CNTNAP2: variants seen among roughly 807,000 people sequenced by gnomAD.
The protein encoded by CNTNAP2 is contactin associated protein 2.
Under a neutral mutation model 155.2 loss-of-function variants are expected in CNTNAP2, and 98 were observed. The ratio of observed to expected loss-of-function variants is 0.63; its 90% CI spans 0.54 to 0.75. The LOEUF (loss-of-function observed/expected upper bound fraction) is 0.75, where lower values mean the gene tolerates loss of function less well. Among genes scored for constraint, CNTNAP2 ranks in the 30% least tolerant of loss-of-function variants. The pLI is 0.00. For synonymous variants in CNTNAP2, 651 were observed against 631.2 expected (o/e 1.03, Z -0.47); for missense variants, 1,727 against 1,688.1 (o/e 1.02, Z -0.40).
intron 21 of CNTNAP2, among the ~76,000 whole-genome samples, chr7:148,365,390 C>T (rs555066167): frequency 9.5e-4 from 145 of 152,242 alleles, no homozygotes; most frequent in Non-Finnish European, 1.7e-3. Flanking sequence ...GCAGGCTGGG[C>T]GTGGTGGCTC....
chr7:146,984,007 G>C (rs1486400084), intron 3 of CNTNAP2, among the ~76,000 whole-genome samples: 1 of 152,100 alleles, frequency 6.6e-6, no homozygotes, highest in East Asian at 1.9e-4. Flanking sequence ...CTGCAGGTTG[G>C]CTCTTGCTTT....
chr7:146,691,255 G>A (rs531077345), intron 1 of CNTNAP2, among the ~76,000 whole-genome samples: 2 of 151,650 alleles, frequency 1.3e-5, no homozygotes, highest in East Asian at 3.9e-4. Flanking sequence ...TAAGCAATAT[G>A]TTCAATGAGA....
At chr7:146,851,338 C>A (rs527688750) in intron 3 of CNTNAP2, among the ~76,000 whole-genome samples, 1 of 152,286 alleles carries the variant, frequency 6.6e-6, no homozygotes, top group South Asian at 2.1e-4. Flanking sequence ...CCTAAGGTCA[C>A]AGAGCTTAAA....
At chr7:147,764,943 G>C (rs1797361090) in intron 13 of CNTNAP2, among the ~76,000 whole-genome samples, 1 of 152,108 alleles carries the variant, frequency 6.6e-6, no homozygotes, top group African/African-American at 2.4e-5. Context: ...TATAAACATA[G>C]AGCCCTCTTT....
chr7:147,141,444 T>G (rs765972581), intron 8 of CNTNAP2, among the ~76,000 whole-genome samples: 7 of 152,244 alleles, frequency 4.6e-5, no homozygotes, highest in Non-Finnish European at 1.0e-4. Flanking sequence ...TCTTTCTCTG[T>G]TTCAGTCACT....
chr7:146,929,631 A>C (rs1796699820), intron 3 of CNTNAP2, among the ~76,000 whole-genome samples: 2 of 152,202 alleles, frequency 1.3e-5, no homozygotes, highest in Admixed American at 1.3e-4. Context: ...TCAGATGATC[A>C]AACTACTCCG....
intron 1 of CNTNAP2, among the ~76,000 whole-genome samples, chr7:146,396,817 G>A (rs536899754): frequency 6.6e-6 from 1 of 151,518 alleles, no homozygotes; most frequent in Admixed American, 6.6e-5. Context: ...TATATATTAG[G>A]TAACTGAAAC....
intron 4 of CNTNAP2, among the ~76,000 whole-genome samples, chr7:147,060,829 A>G (rs1006358594): frequency 2.3e-4 from 35 of 151,198 alleles, no homozygotes; most frequent in African/African-American, 8.6e-4. Context: ...GCGCCACTGC[A>G]CTCCAGCCTG....
intron 19 of CNTNAP2, among the ~76,000 whole-genome samples, chr7:148,225,100 T>C (rs1795822469): frequency 6.6e-6 from 1 of 152,242 alleles, no homozygotes; most frequent in Non-Finnish European, 1.5e-5. Flanking sequence ...TCAGGCACTA[T>C]TCTAGACATT....
At chr7:146,427,389 A>G (rs528985569) in intron 1 of CNTNAP2, among the ~76,000 whole-genome samples, 12 of 152,340 alleles carry the variant, frequency 7.9e-5, no homozygotes, top group African/African-American at 2.9e-4. Context: ...TATGTAAATG[A>G]ATAACTGTGG....
At chr7:147,141,318 G>T (rs1455168885) in intron 8 of CNTNAP2, among the ~76,000 whole-genome samples, 2 of 151,946 alleles carry the variant, frequency 1.3e-5, no homozygotes, top group South Asian at 2.1e-4. Flanking sequence ...CTAATCAAGG[G>T]CATCTTATTG....
intron 10 of CNTNAP2, among the ~76,000 whole-genome samples, chr7:147,467,986 A>G (rs1211262694): frequency 6.6e-6 from 1 of 152,056 alleles, no homozygotes; most frequent in Non-Finnish European, 1.5e-5. Flanking sequence ...TGCTATGATC[A>G]CAGCACTGCA....
At chr7:148,057,184 G>A (rs982980001) in intron 15 of CNTNAP2, among the ~76,000 whole-genome samples, 4 of 152,084 alleles carry the variant, frequency 2.6e-5, no homozygotes, top group East Asian at 1.9e-4. Context: ...CACAGGCGTC[G>A]TAAACCCTCA....
At chr7:147,173,542 AC>A (rs1802273993) in intron 8 of CNTNAP2, among the ~76,000 whole-genome samples, 1 of 152,138 alleles carries the variant, frequency 6.6e-6, no homozygotes, top group Non-Finnish European at 1.5e-5. Context: ...CCAGAAAGAG[AC>A]CCAGCTGGCA....
At chr7:147,722,623 C>G (rs1057308734) in intron 13 of CNTNAP2, among the ~76,000 whole-genome samples, 1 of 152,076 alleles carries the variant, frequency 6.6e-6, no homozygotes, top group Non-Finnish European at 1.5e-5. Context: ...TTATATGGCA[C>G]TGTTATGAGA....
intron 21 of CNTNAP2, among the ~76,000 whole-genome samples, chr7:148,379,473 G>T (rs1174638586): frequency 6.6e-6 from 1 of 152,144 alleles, no homozygotes; most frequent in East Asian, 1.9e-4. Context: ...GGAGGCCGAG[G>T]TGGGTGGATC....
At chr7:147,446,903 GA>G (rs1459483376) in intron 10 of CNTNAP2, among the ~76,000 whole-genome samples, 1 of 152,176 alleles carries the variant, frequency 6.6e-6, no homozygotes, top group African/African-American at 2.4e-5. Flanking sequence ...TGTGACTAAA[GA>G]AGAGTTAAAG....
chr7:146,503,152 TATTG>T (rs1156849527), intron 1 of CNTNAP2, among the ~76,000 whole-genome samples: 5 of 152,220 alleles, frequency 3.3e-5, no homozygotes, highest in African/African-American at 1.2e-4. Flanking sequence ...AATTTAATTT[TATTG>T]ATTATTTCCT....
Position 147,132,544 on chromosome 7 carries a change from C to T in CNTNAP2, c.1348+35C>T, listed in dbSNP as rs191933423. The T allele has an allele frequency of 1.5e-4, 242 of 1,612,526 alleles. 2 individuals carry two copies. The Middle Eastern group carries it at 2.3e-3, about 15-fold the overall frequency. On this transcript the variant is annotated intron_variant, in intron 8 of 23. Coordinates refer to ENST00000361727, the MANE Select transcript of CNTNAP2 (RefSeq NM_014141.6). ...ACCTATTTGACATTTGTTCCTGAAA[C>T]TTATTGCAATTTCCAGAGTTAATGT...
Sources: allele counts gnomAD v4.1 joint callset (sites outside exome capture counted in the v4.1 genomes callset), GRCh38; gene constraint gnomAD v4.1.1; transcripts MANE v1.5; gene names NCBI Gene and HGNC (gene_info 2026-07-23, HGNC 2026-07-21).